The following VPS8 variants were observed in gnomAD, a reference collection of about 807,000 sequenced individuals.
VPS8 encodes the protein vacuolar protein sorting-associated protein 8 homolog.
In VPS8, 129 loss-of-function variants were observed where a neutral mutation model predicts 216.4. The ratio of observed to expected loss-of-function variants is 0.60; its 90% confidence interval spans 0.52 to 0.69. The LOEUF (loss-of-function observed/expected upper bound fraction) is 0.69, where lower values mean the gene tolerates loss of function less well. Among genes scored for constraint, VPS8 ranks in the 30% least tolerant of loss-of-function variants. The pLI is 0.00. For missense variants in VPS8, 1,531 were observed against 1,683.5 expected, an observed-to-expected ratio of 0.91 and a Z score of 1.59; for synonymous variants, 571 against 565.4, an observed-to-expected ratio of 1.01 and a Z score of -0.14.
chr3:184,971,507 A>C lies in VPS8; in HGVS notation c.3317-142A>C. 7.3e-6 allele frequency: 4 copies of C among 550,210 alleles called. No homozygotes were observed. The South Asian group carries it at 9.3e-5, about 13-fold the overall frequency. The allele number at this position is 550,210 out of a possible 1,614,324, so 34.1% of individuals were successfully genotyped here. A position where few individuals can be genotyped will look rare whatever the true frequency, so the allele number is the denominator to read the frequency against. On this transcript the variant is annotated intron_variant, in intron 39 of 47. Transcript: ENST00000625842. ...GAATAATCTGTTTTTTAATCTATAA[A>C]ACATTAGCATCAGGTTTTATTAATT...
At position 184,817,122 on chromosome 3, in the gene VPS8, A is replaced by T. The variant is rs1445504990; in HGVS notation, c.-89+4897A>T. ...AGTGATTTAAAAATATCTCTCCTAG[A>T]TGCAAAGAATGGAACTTGCACAGAT... is the stretch of plus-strand genomic sequence containing the variant. On this transcript the variant is annotated intron_variant, in intron 1 of 47. Transcript: ENST00000625842. 6 of 152,320 alleles carry T rather than the reference A, an allele frequency of 3.9e-5. 1 individual carries two copies. The Middle Eastern group carries it at 0.014, about 345-fold the overall frequency. 9.4% of individuals were successfully genotyped at this position (152,320 alleles called of 1,614,324 possible).
chr3:184,948,640 G>T (rs767964756), intron 36 of VPS8, among the ~76,000 whole-genome samples: 28 of 152,142 alleles, frequency 1.8e-4, no homozygotes, highest in Non-Finnish European at 3.4e-4. Flanking sequence ...ATTCATTTTT[G>T]CTTGGAGTCC....
chr3:185,043,434 G>A (rs1357057364), intron 46 of VPS8, among the ~76,000 whole-genome samples: 4 of 152,162 alleles, frequency 2.6e-5, no homozygotes, highest in Non-Finnish European at 5.9e-5. Flanking sequence ...TGTAAGGTAG[G>A]CTGTGCAGAG....
At chr3:185,001,394 A>T (rs1268154033) in intron 45 of VPS8, among the ~76,000 whole-genome samples, 1 of 152,184 alleles carries the variant, frequency 6.6e-6, no homozygotes, top group Non-Finnish European at 1.5e-5. Context: ...CACAGAACTC[A>T]GGAAACACTT....
chr3:184,923,630 A>C (rs1021166615), intron 29 of VPS8, among the ~76,000 whole-genome samples: 1 of 152,202 alleles, frequency 6.6e-6, no homozygotes, highest in Non-Finnish European at 1.5e-5. Context: ...TGTAGAATAC[A>C]TTCTAGATTC....
intron 47 of VPS8, among the ~76,000 whole-genome samples, chr3:185,051,180 C>T (rs1175924869): frequency 6.6e-6 from 1 of 152,102 alleles, no homozygotes; most frequent in South Asian, 2.1e-4. Context: ...CCCAACAGGC[C>T]GACATTAGCA....
chr3:184,964,122 T>C (rs1337154968), intron 37 of VPS8, among the ~76,000 whole-genome samples: 1 of 152,130 alleles, frequency 6.6e-6, no homozygotes, highest in Non-Finnish European at 1.5e-5. Flanking sequence ...GTTTTCATTG[T>C]CATTTTCAAT....
At chr3:184,939,647 A>C in intron 35 of VPS8, among the ~76,000 whole-genome samples, 1 of 152,072 alleles carries the variant, frequency 6.6e-6, no homozygotes, top group South Asian at 2.1e-4. Context: ...TGGCAAAAAC[A>C]GAACCCAGAT....
At chr3:184,940,026 G>A (rs951441538) in intron 35 of VPS8, among the ~76,000 whole-genome samples, 171 bp from the exon 36 acceptor site, 3 of 152,136 alleles carry the variant, frequency 2.0e-5, no homozygotes, top group African/African-American at 7.2e-5. Context: ...TTATTGAGAA[G>A]ACATAACCTC....
intron 37 of VPS8, among the ~76,000 whole-genome samples, chr3:184,958,840 G>GT (rs780432043): frequency 3.4e-4 from 52 of 151,978 alleles, no homozygotes; most frequent in Non-Finnish European, 6.6e-4. Flanking sequence ...TTCTGAAATA[G>GT]TTTTTTCTCC....
chr3:185,012,602 A>G (rs62289499), intron 45 of VPS8, among the ~76,000 whole-genome samples: 2 of 151,934 alleles, frequency 1.3e-5, no homozygotes, highest in East Asian at 3.9e-4. Context: ...GAAACCAAAG[A>G]TGATGAAGAA....
chr3:184,908,877 A>AG (rs1370349750), intron 25 of VPS8, among the ~76,000 whole-genome samples: 1 of 152,142 alleles, frequency 6.6e-6, no homozygotes, highest in Non-Finnish European at 1.5e-5. Context: ...AGAATAGGGG[A>AG]GGGGCAGGCT....
At chr3:185,017,549 A>C (rs1235740969) in intron 45 of VPS8, among the ~76,000 whole-genome samples, 1 of 152,210 alleles carries the variant, frequency 6.6e-6, no homozygotes, top group African/African-American at 2.4e-5. Flanking sequence ...TAGATGTAAC[A>C]ATTTGAATTT....
In VPS8 at chr3:184,996,265, T is replaced by G. The variant is rs377627859; in HGVS notation, c.3667-67T>G. The G allele has an allele frequency of 8.5e-4, 1,258 of 1,475,400 alleles. 21 individuals carry two copies. In the South Asian group the frequency reaches 0.017, roughly 20 times the overall value. 91.4% of individuals were successfully genotyped at this position (1,475,400 alleles called of 1,614,324 possible). On this transcript the variant is annotated intron_variant, in intron 43 of 47. Coordinates refer to ENST00000625842, the MANE Select transcript of VPS8 (RefSeq NM_001009921.3). ...AAACTAAACAAGTGCTATTCACCAT[T>G]CATCTCCTCTATCTCTTTCATCTTA...
rs909375485 is a variant in VPS8 at position 184,916,145 on chromosome 3, A to C, written c.2382+671A>C. Among the ~76,000 whole-genome samples, 3 of 152,230 alleles carry C rather than the reference A, an allele frequency of 2.0e-5. No homozygotes were observed. In the South Asian group the frequency reaches 6.2e-4, roughly 32 times the overall value. ...ATGCGGTAGTGATGATAGTAAAAAT[A>C]GCTGGAGTCGAAATGGAACGCGGAA... On this transcript the variant is annotated intron_variant, in intron 28 of 47. Coordinates refer to ENST00000625842, the MANE Select transcript of VPS8 (RefSeq NM_001009921.3).
At chr3:184,973,365 G>A (rs1378150431) in intron 40 of VPS8, among the ~76,000 whole-genome samples, 1 of 152,090 alleles carries the variant, frequency 6.6e-6, no homozygotes, top group African/African-American at 2.4e-5. Flanking sequence ...CTCAAAAAAT[G>A]TATGTATATT....
intron 28 of VPS8, among the ~76,000 whole-genome samples, chr3:184,916,618 A>G (rs1365218919): frequency 6.6e-6 from 1 of 152,226 alleles, no homozygotes; most frequent in Non-Finnish European, 1.5e-5. Flanking sequence ...CATCAGAAGT[A>G]GTAACTTTAA....
chr3:184,898,589 C>A lies in VPS8; in HGVS notation c.2029C>A (p.Arg677Ser), dbSNP rs374195614. 3.9e-6 allele frequency: 6 copies of A among 1,553,828 alleles called. No individual in the cohort carries two copies. The highest frequency in any genetic ancestry group is 5.2e-6 in the Non-Finnish European group (6 of 1,147,710). Residue 677 changes from arginine to serine, a missense_variant, in exon 24 of 48, where the codon CGT (arginine) becomes AGT (serine). Physicochemically the swap from Arg to Ser is moderately radical, Grantham distance 110. Coordinates refer to ENST00000625842, the MANE Select transcript of VPS8 (RefSeq NM_001009921.3). Reference sequence around the variant, plus strand: ...GGTAGTTCTCATGTGTTGGGAAAATCGTTTATATGATGCTATGATCTATGT... The same window carrying A: ...GGTAGTTCTCATGTGTTGGGAAAATAGTTTATATGATGCTATGATCTATGT... ...QQVVLMCWEN[R>S]LYDAMIYVYN...
intron 10 of VPS8, among the ~76,000 whole-genome samples, chr3:184,850,269 G>T (rs1248127412): frequency 1.3e-5 from 2 of 152,190 alleles, no homozygotes; most frequent in Non-Finnish European, 2.9e-5. Flanking sequence ...TTGTATTGAA[G>T]TCTAATTGAT....
Sources: allele counts gnomAD v4.1 joint callset (sites outside exome capture counted in the v4.1 genomes callset), GRCh38; gene constraint gnomAD v4.1.1; transcripts MANE v1.5; gene names NCBI Gene and HGNC (gene_info 2026-07-23, HGNC 2026-07-21).